PKP4: variants seen among roughly 807,000 people sequenced by gnomAD.
The protein encoded by PKP4 is plakophilin-4.
Under a neutral mutation model 145.1 loss-of-function variants are expected in PKP4, and 90 were observed. The ratio of observed to expected loss-of-function variants is 0.62; its 90% confidence interval spans 0.52 to 0.74. The LOEUF (loss-of-function observed/expected upper bound fraction) is 0.74. Among genes scored for constraint, PKP4 ranks in the 30% least tolerant of loss-of-function variants. PKP4 has a pLI of 0.00. For missense variants in PKP4, 1,340 were observed against 1,482.7 expected (o/e 0.90, Z 1.58); for synonymous variants, 563 against 577.2 (o/e 0.98, Z 0.35).
chr2:158,632,830 A>G (rs2356137), intron 8 of PKP4, among the ~76,000 whole-genome samples: 118,943 of 152,146 alleles, frequency 0.78, 49,103 homozygotes, highest in East Asian at 0.97. Context: ...TCTAATAGAC[A>G]TTAATAAAGA....
chr2:158,496,412 G>T (rs941849580), intron 1 of PKP4, among the ~76,000 whole-genome samples: 1 of 152,036 alleles, frequency 6.6e-6, no homozygotes, highest in Non-Finnish European at 1.5e-5. Context: ...TGAATTTATC[G>T]ATTCTGTGAA....
intron 1 of PKP4, among the ~76,000 whole-genome samples, chr2:158,502,077 A>G (rs1436912198): frequency 6.6e-6 from 1 of 152,192 alleles, no homozygotes; most frequent in Non-Finnish European, 1.5e-5. Context: ...ATAGAGTATT[A>G]TGAAATCCAG....
At chr2:158,593,251 T>A (rs934535053) in intron 3 of PKP4, among the ~76,000 whole-genome samples, 6 of 152,188 alleles carry the variant, frequency 3.9e-5, no homozygotes, top group Admixed American at 2.6e-4. Context: ...CCTAGGTTTG[T>A]GGCAGGATAT....
intron 1 of PKP4, among the ~76,000 whole-genome samples, chr2:158,469,963 A>G (rs1263275464): frequency 6.6e-6 from 1 of 152,050 alleles, no homozygotes; most frequent in Non-Finnish European, 1.5e-5. Context: ...TCTTTAATGA[A>G]GCCTTCCCTG....
chr2:158,671,581 A>G (rs2057560737), intron 17 of PKP4, among the ~76,000 whole-genome samples: 1 of 152,222 alleles, frequency 6.6e-6, no homozygotes. Context: ...GGACCAAATC[A>G]AATTGTCTCC....
At chr2:158,507,237 T>C (rs947616507) in intron 1 of PKP4, among the ~76,000 whole-genome samples, 2 of 152,228 alleles carry the variant, frequency 1.3e-5, no homozygotes, top group African/African-American at 4.8e-5. Flanking sequence ...GGTACATGCA[T>C]TCAACTCTAG....
intron 1 of PKP4, among the ~76,000 whole-genome samples, chr2:158,522,656 G>GTCTACAGCTCCCAGC (rs2042490991): frequency 6.6e-6 from 1 of 152,204 alleles, no homozygotes; most frequent in Non-Finnish European, 1.5e-5. Context: ...AACAGCTCCG[G>GTCTACAGCTCCCAGC]TCTACAGCTC....
intron 1 of PKP4, among the ~76,000 whole-genome samples, chr2:158,528,540 G>C (rs2043179650): frequency 7.3e-6 from 1 of 136,266 alleles, no homozygotes. Context: ...AATGCTAGAT[G>C]ACGAGTTAGT....
intron 4 of PKP4, among the ~76,000 whole-genome samples, chr2:158,605,097 C>G (rs563815998): frequency 6.2e-4 from 94 of 152,320 alleles, no homozygotes; most frequent in African/African-American, 2.2e-3. Flanking sequence ...CATGTCTGCT[C>G]TGTTCAACAA....
chr2:158,661,288 G>A, intron 12 of PKP4, 45 bp from the exon 13 acceptor site: 1 of 1,392,134 alleles, frequency 7.2e-7, no homozygotes, highest in Non-Finnish European at 1.0e-6. Flanking sequence ...TGGCTGATGA[G>A]TGCATGGTTC....
At chr2:158,617,698 A>T (rs1423685310) in intron 4 of PKP4, among the ~76,000 whole-genome samples, 1 of 152,242 alleles carries the variant, frequency 6.6e-6, no homozygotes, top group Non-Finnish European at 1.5e-5. Flanking sequence ...TTTACCTGAG[A>T]TATGATGTCT....
intron 9 of PKP4, 70 bp from the exon 10 acceptor site, chr2:158,640,557 C>T: frequency 1.3e-6 from 2 of 1,528,862 alleles, no homozygotes; most frequent in Admixed American, 1.9e-5. Flanking sequence ...TTTCCTTATA[C>T]CAAGTGTTTT....
At chr2:158,490,950 A>C (rs1027606753) in intron 1 of PKP4, among the ~76,000 whole-genome samples, 7 of 152,202 alleles carry the variant, frequency 4.6e-5, no homozygotes, top group Admixed American at 6.5e-5. Flanking sequence ...AGGCATTTCT[A>C]ATGTGTTTAG....
At chr2:158,621,488 G>A (rs925338073) in intron 6 of PKP4, 67 bp downstream of exon 6, 5 of 1,364,242 alleles carry the variant, frequency 3.7e-6, no homozygotes, top group Non-Finnish European at 4.1e-6. Flanking sequence ...GCTCATGCCT[G>A]TAATCCCAGC....
intron 15 of PKP4, among the ~76,000 whole-genome samples, chr2:158,664,983 T>C (rs1012269219): frequency 2.6e-5 from 4 of 152,236 alleles, no homozygotes; most frequent in African/African-American, 7.2e-5. Flanking sequence ...ATTTGACTTA[T>C]TTAGAAGTTC....
chr2:158,501,439 A>G (rs1359621856), intron 1 of PKP4, among the ~76,000 whole-genome samples: 1 of 152,118 alleles, frequency 6.6e-6, no homozygotes, highest in Admixed American at 6.5e-5. Context: ...CACATTACTC[A>G]AAGCTGTGCT....
intron 1 of PKP4, among the ~76,000 whole-genome samples, chr2:158,482,170 C>T (rs13425762): frequency 0.019 from 2,911 of 152,310 alleles, 88 homozygotes; most frequent in African/African-American, 0.066. Context: ...TCAGTAGCCA[C>T]GTATAGCTAG....
chr2:158,554,565 A>G (rs1310888644), intron 2 of PKP4, among the ~76,000 whole-genome samples: 1 of 151,794 alleles, frequency 6.6e-6, no homozygotes, highest in Non-Finnish European at 1.5e-5. Context: ...AGCTGGGACT[A>G]CAGGTGCCCG....
At chr2:158,572,892 T>G (rs1018974733) in intron 2 of PKP4, among the ~76,000 whole-genome samples, 5 of 152,190 alleles carry the variant, frequency 3.3e-5, no homozygotes, top group African/African-American at 9.7e-5. Flanking sequence ...AAACTCTCAT[T>G]TATTACTGGC....
Sources: allele counts gnomAD v4.1 joint callset (sites outside exome capture counted in the v4.1 genomes callset), GRCh38; gene constraint gnomAD v4.1.1; transcripts MANE v1.5; gene names NCBI Gene and HGNC (gene_info 2026-07-23, HGNC 2026-07-21).